Variants in TRIM14 observed in about 807,000 individuals in gnomAD.
TRIM14 encodes tripartite motif-containing protein 14.
Under a neutral mutation model 44.5 loss-of-function variants are expected in TRIM14, and 28 were observed. The observed-to-expected ratio is 0.63, with a 90% CI of 0.47 to 0.86. The LOEUF (loss-of-function observed/expected upper bound fraction) is 0.86, where lower values mean the gene tolerates loss of function less well. Among genes scored for constraint, TRIM14 ranks in the 40% least tolerant of loss-of-function variants. The probability of loss-of-function intolerance (pLI) is 0.00; values close to 1 mark genes in which losing one functional copy is unlikely to be tolerated. For synonymous variants in TRIM14, 299 were observed against 269.2 expected (o/e 1.11, Z -1.08); for missense variants, 607 against 611.1 (o/e 0.99, Z 0.07).
chr9:98,074,344 G>A (rs371215690), intron 6 of TRIM14, among the ~76,000 whole-genome samples: 39 of 152,178 alleles, frequency 2.6e-4, no homozygotes, highest in African/African-American at 8.7e-4. Context: ...TGAGGCTGCC[G>A]GGCTGCATGG....
the TRIM14 span, among the ~76,000 whole-genome samples, chr9:98,041,966 A>G: frequency 5.3e-5 from 8 of 151,544 alleles, no homozygotes; most frequent in African/African-American, 1.9e-4. Flanking sequence ...TACAGGCAAG[A>G]GCCACCGCGC....
intron 2 of TRIM14, among the ~76,000 whole-genome samples, chr9:98,105,189 G>C (rs917774984): frequency 1.3e-5 from 2 of 152,164 alleles, no homozygotes; most frequent in African/African-American, 4.8e-5. Flanking sequence ...GCTCCTGCGG[G>C]TCACAGAGAA....
the TRIM14 span, chr9:98,060,657 C>G: frequency 2.8e-4 from 273 of 966,364 alleles, no homozygotes; most frequent in Non-Finnish European, 3.1e-4. Flanking sequence ...GGTGAAAGAG[C>G]GAAACTCTGT....
intron 2 of TRIM14, 39 bp from the exon 3 acceptor site, chr9:98,100,203 C>A: frequency 1.3e-6 from 2 of 1,544,114 alleles, no homozygotes; most frequent in South Asian, 2.2e-5. Context: ...ACATGTCTGC[C>A]AACCAGGAAA....
chr9:98,080,027 A>G (rs1387038770), downstream of TRIM14, among the ~76,000 whole-genome samples: 2 of 152,180 alleles, frequency 1.3e-5, no homozygotes, highest in Non-Finnish European at 2.9e-5. Flanking sequence ...CAGCCTGGCC[A>G]ATGTGGCGAA....
At chr9:98,100,715 A>C (rs1446272337) in intron 2 of TRIM14, among the ~76,000 whole-genome samples, 1 of 152,230 alleles carries the variant, frequency 6.6e-6, no homozygotes, top group East Asian at 1.9e-4. Context: ...TACAAAATAA[A>C]GAGCTTTTAA....
chr9:98,093,734 T>A (rs1300571476), intron 4 of TRIM14, among the ~76,000 whole-genome samples: 1 of 150,572 alleles, frequency 6.6e-6, no homozygotes, highest in African/African-American at 2.5e-5. Context: ...CCTGCCCTGG[T>A]TTATTATTAT....
chr9:98,043,068 G>A, the TRIM14 span, among the ~76,000 whole-genome samples: 1 of 151,966 alleles, frequency 6.6e-6, no homozygotes, highest in Non-Finnish European at 1.5e-5. Flanking sequence ...GCCAATAGAA[G>A]TACATCTTAT....
intron 4 of TRIM14, among the ~76,000 whole-genome samples, chr9:98,093,167 C>A (rs770437771): frequency 3.9e-5 from 6 of 152,128 alleles, no homozygotes; most frequent in Non-Finnish European, 8.8e-5. Context: ...ACGTCCAAAT[C>A]CTTGGATTCT....
chr9:98,062,765 G>A, the TRIM14 span, among the ~76,000 whole-genome samples: 1 of 145,794 alleles, frequency 6.9e-6, no homozygotes, highest in Non-Finnish European at 1.5e-5. Context: ...TTTGGATACG[G>A]AAGTTATTTC....
the TRIM14 span, among the ~76,000 whole-genome samples, chr9:98,048,141 G>A: frequency 2.6e-4 from 40 of 152,164 alleles, 1 homozygote; most frequent in East Asian, 7.1e-3. Context: ...TGGATGATGG[G>A]CTAGTCACAG....
At chr9:98,077,284 C>T (rs1230680380) in intron 6 of TRIM14, among the ~76,000 whole-genome samples, 4 of 151,968 alleles carry the variant, frequency 2.6e-5, no homozygotes, top group African/African-American at 7.3e-5. Context: ...TTCAATCAGC[C>T]TGTACTTCCA....
downstream of TRIM14, among the ~76,000 whole-genome samples, chr9:98,083,292 T>G (rs189504099): frequency 2.0e-5 from 3 of 152,310 alleles, no homozygotes; most frequent in East Asian, 5.8e-4. Flanking sequence ...TGGCCAACAG[T>G]GCATTATAAA....
At chr9:98,057,520 C>A in the TRIM14 span, among the ~76,000 whole-genome samples, 1 of 152,178 alleles carries the variant, frequency 6.6e-6, no homozygotes, top group East Asian at 1.9e-4. Context: ...ACTTAGCCTC[C>A]GTGAACCCTT....
At chr9:98,068,684 G>A (rs952412903), downstream of TRIM14, among the ~76,000 whole-genome samples, 2 of 151,374 alleles carry the variant, frequency 1.3e-5, no homozygotes, top group African/African-American at 2.4e-5. Flanking sequence ...ATTGTGGTGT[G>A]TGCCTGTAGC....
intron 1 of TRIM14, 21 bp from the exon 2 acceptor site, chr9:98,110,005 A>T: frequency 6.3e-7 from 1 of 1,591,060 alleles, no homozygotes. Flanking sequence ...GGGAGTTAGG[A>T]AAAAAGTCGT....
chr9:98,061,194 T>A, the TRIM14 span: 1 of 585,452 alleles, frequency 1.7e-6, no homozygotes, highest in Middle Eastern at 4.6e-4. Context: ...ACATTGTCTC[T>A]GGCCGGGCTT....
chr9:98,049,560 TTA>T, the TRIM14 span, among the ~76,000 whole-genome samples: 1 of 152,046 alleles, frequency 6.6e-6, no homozygotes, highest in African/African-American at 2.4e-5. Context: ...GCTATGACAT[TTA>T]TAAAGTGTCA....
the TRIM14 span, among the ~76,000 whole-genome samples, chr9:98,050,045 C>A: frequency 6.6e-6 from 1 of 152,168 alleles, no homozygotes; most frequent in Admixed American, 6.5e-5. Flanking sequence ...ACAGAAAACA[C>A]AAATGAGGTT....
Sources: gnomAD v4.1 joint callset for allele counts (sites outside exome capture counted in the v4.1 genomes callset) on GRCh38, gnomAD v4.1.1 for gene constraint, MANE v1.5 for transcripts, NCBI Gene and HGNC (gene_info 2026-07-23, HGNC 2026-07-21) for gene names.